CPNE8: variants seen among roughly 807,000 people sequenced by gnomAD.
CPNE8 encodes copine-8.
A neutral mutation model predicts 81.5 loss-of-function variants in CPNE8; 45 were observed. The ratio of observed to expected loss-of-function variants is 0.55; its 90% CI spans 0.44 to 0.71. The LOEUF is 0.71. CPNE8 is among the 30% of genes least tolerant of loss of function. The pLI, the probability that CPNE8 is intolerant of heterozygous loss-of-function variation, is 0.00. For synonymous variants in CPNE8, 252 were observed against 226.3 expected (o/e 1.11, Z -1.02); for missense variants, 594 against 672.1 (o/e 0.88, Z 1.28).
intron 13 of CPNE8, among the ~76,000 whole-genome samples, chr12:38,715,773 G>A (rs1345427120): frequency 6.6e-6 from 1 of 152,040 alleles, no homozygotes; most frequent in Non-Finnish European, 1.5e-5. Flanking sequence ...ATTCAACATA[G>A]TATTGGAAGT....
chr12:38,906,351 G>A, upstream of CPNE8: 1 of 985,458 alleles, frequency 1.0e-6, no homozygotes, highest in Non-Finnish European at 1.2e-6. Flanking sequence ...GGACTCTAAG[G>A]TGGAAAAAAC....
At chr12:38,661,040 G>A (rs1938940361) in intron 19 of CPNE8, among the ~76,000 whole-genome samples, 1 of 152,184 alleles carries the variant, frequency 6.6e-6, no homozygotes, top group South Asian at 2.1e-4. Context: ...TATTGTGGAA[G>A]ACAGTGTGGC....
intron 8 of CPNE8, among the ~76,000 whole-genome samples, chr12:38,763,106 C>T (rs1428976360): frequency 4.6e-5 from 7 of 152,296 alleles, no homozygotes; most frequent in South Asian, 2.1e-4. Flanking sequence ...ATCCACCTGC[C>T]CCGCCCTCTC....
intron 1 of CPNE8, among the ~76,000 whole-genome samples, chr12:38,891,614 A>C (rs1318535051): frequency 6.6e-6 from 1 of 151,904 alleles, no homozygotes; most frequent in African/African-American, 2.4e-5. Context: ...TGCCGGGCTA[A>C]TTTTGTATTT....
intron 10 of CPNE8, among the ~76,000 whole-genome samples, chr12:38,751,695 TA>T (rs5797593): frequency 6.6e-6 from 1 of 152,152 alleles, no homozygotes; most frequent in African/African-American, 2.4e-5. Context: ...GCACTGGAGA[TA>T]AAAAAATATA....
At chr12:38,775,000 G>T (rs959949702) in intron 7 of CPNE8, among the ~76,000 whole-genome samples, 4 of 152,046 alleles carry the variant, frequency 2.6e-5, no homozygotes, top group Admixed American at 2.0e-4. Flanking sequence ...GAATCCCAAA[G>T]GTATGTAATC....
At chr12:38,663,939 G>A (rs1375558356) in intron 19 of CPNE8, among the ~76,000 whole-genome samples, 1 of 152,098 alleles carries the variant, frequency 6.6e-6, no homozygotes, top group South Asian at 2.1e-4. Flanking sequence ...CATAGAAATA[G>A]AGAGTAGAAT....
intron 1 of CPNE8, among the ~76,000 whole-genome samples, chr12:38,892,697 G>A (rs1004900978): frequency 6.6e-6 from 1 of 152,194 alleles, no homozygotes; most frequent in Non-Finnish European, 1.5e-5. Flanking sequence ...AGTGACAACT[G>A]ATCAGAGGAA....
intron 1 of CPNE8, among the ~76,000 whole-genome samples, chr12:38,903,070 C>T (rs1027633503): frequency 6.6e-6 from 1 of 152,160 alleles, no homozygotes; most frequent in Non-Finnish European, 1.5e-5. Flanking sequence ...CAAGATCCAA[C>T]AATACTCAAA....
intron 6 of CPNE8, among the ~76,000 whole-genome samples, 175 bp from the exon 7 acceptor site, chr12:38,776,476 T>C (rs1941939057): frequency 6.6e-6 from 1 of 151,616 alleles, no homozygotes; most frequent in South Asian, 2.1e-4. Flanking sequence ...CAGCTAAATT[T>C]TGTATGTTTT....
At chr12:38,740,472 G>A (rs535952020) in intron 10 of CPNE8, among the ~76,000 whole-genome samples, 169 of 152,164 alleles carry the variant, frequency 1.1e-3, no homozygotes, top group Admixed American at 4.1e-3. Flanking sequence ...GTCTTGTGCC[G>A]GTTTTCAAAG....
At chr12:38,859,192 A>G (rs1345014796) in intron 3 of CPNE8, among the ~76,000 whole-genome samples, 1 of 152,160 alleles carries the variant, frequency 6.6e-6, no homozygotes, top group Non-Finnish European at 1.5e-5. Flanking sequence ...AGGTTAAAAA[A>G]AAAAATCCCA....
At chr12:38,774,954 T>G (rs1043147827) in intron 7 of CPNE8, among the ~76,000 whole-genome samples, 1 of 152,140 alleles carries the variant, frequency 6.6e-6, no homozygotes, top group African/African-American at 2.4e-5. Flanking sequence ...TTATTATAGT[T>G]CCTATTGTTA....
At chr12:38,740,045 T>C (rs143100850) in intron 10 of CPNE8, among the ~76,000 whole-genome samples, 2 of 152,122 alleles carry the variant, frequency 1.3e-5, no homozygotes, top group Non-Finnish European at 2.9e-5. Context: ...GACTTAAATA[T>C]AAGGATATTT....
chr12:38,842,472 T>C (rs1015968850), intron 4 of CPNE8, among the ~76,000 whole-genome samples: 4 of 152,112 alleles, frequency 2.6e-5, no homozygotes, highest in Admixed American at 2.6e-4. Context: ...TTACAAAGCT[T>C]TTTAAATACC....
intron 3 of CPNE8, 33 bp downstream of exon 3, chr12:38,872,971 C>T (rs780504306): frequency 8.0e-7 from 1 of 1,250,568 alleles, no homozygotes; most frequent in East Asian, 2.3e-5. Context: ...ATCTTCAAGC[C>T]CAGTGATTTT....
At chr12:38,827,654 AT>A (rs1365323958) in intron 6 of CPNE8, among the ~76,000 whole-genome samples, 13 of 152,224 alleles carry the variant, frequency 8.5e-5, no homozygotes, top group African/African-American at 3.1e-4. Flanking sequence ...AAAGTCTGAA[AT>A]TTTAACCTTT....
In CPNE8 at chr12:38,695,270, T is replaced by C. The variant is rs770322631; in HGVS notation, c.962-1432A>G. On this transcript the variant is annotated intron_variant, in intron 14 of 19. Coordinates refer to ENST00000331366, the MANE Select transcript of CPNE8 (RefSeq NM_153634.3). ...ACATGGAAGGCATCCCTTTGAAATA[T>C]AAACATCAAGAAAAACAGCAGCCCT... Among the ~76,000 whole-genome samples, 8 of 152,234 alleles carry C rather than the reference T, an allele frequency of 5.3e-5. No individual in the cohort carries two copies. In the South Asian group the frequency reaches 1.7e-3, roughly 32 times the overall value.
chr12:38,869,242 T>C (rs577495976), intron 3 of CPNE8, among the ~76,000 whole-genome samples: 9 of 152,320 alleles, frequency 5.9e-5, no homozygotes, highest in South Asian at 2.1e-4. Context: ...AATTTTATAA[T>C]GCAGGAATTT....
Sources: gnomAD v4.1 joint callset for allele counts (sites outside exome capture counted in the v4.1 genomes callset) on GRCh38, gnomAD v4.1.1 for gene constraint, MANE v1.5 for transcripts, NCBI Gene and HGNC (gene_info 2026-07-23, HGNC 2026-07-21) for gene names.